The following SPTLC2 variants were observed in gnomAD, a reference collection of about 807,000 sequenced individuals.
The protein encoded by SPTLC2 is serine palmitoyltransferase 2.
SPTLC2 carries 21 observed loss-of-function variants against 62.0 expected under a neutral mutation model. The ratio of observed to expected loss-of-function variants is 0.34; its 90% confidence interval spans 0.24 to 0.49. SPTLC2 has a LOEUF of 0.49. Ranked by LOEUF, SPTLC2 falls within the 20% of genes least tolerant of loss-of-function variation. The pLI, the probability that SPTLC2 is intolerant of heterozygous loss-of-function variation, is 0.99. For synonymous variants in SPTLC2, 261 were observed against 261.8 expected (o/e 1.00, Z 0.03); for missense variants, 511 against 713.0 (o/e 0.72, Z 3.23).
chr14:77,576,658 G>A (rs772323987), intron 4 of SPTLC2, 109 bp downstream of exon 4: 74 of 1,457,680 alleles, frequency 5.1e-5, no homozygotes, highest in Non-Finnish European at 6.5e-5. Flanking sequence ...TTATCTAAAT[G>A]ACATGACAAA....
chr14:77,599,686 G>A (rs891225286), intron 1 of SPTLC2, among the ~76,000 whole-genome samples: 30 of 152,180 alleles, frequency 2.0e-4, no homozygotes, highest in Admixed American at 8.5e-4. Flanking sequence ...AAAGTTTGGT[G>A]TCAATATTTA....
At chr14:77,587,583 A>G (rs907101161) in intron 2 of SPTLC2, among the ~76,000 whole-genome samples, 13 of 152,028 alleles carry the variant, frequency 8.6e-5, no homozygotes, top group African/African-American at 3.1e-4. Context: ...CCTGGCCAAC[A>G]TGGCGAAACC....
Position 77,537,633 on chromosome 14 carries a change from C to T in SPTLC2, c.1303+14463G>A, listed in dbSNP as rs186514081. Among the ~76,000 whole-genome samples the T allele has an allele frequency of 2.6e-5, 4 of 152,264 alleles. No homozygotes were observed. The East Asian group carries it at 7.7e-4, about 29-fold the overall frequency. On this transcript the variant is annotated intron_variant, in intron 9 of 11. Coordinates refer to ENST00000216484, the MANE Select transcript of SPTLC2 (RefSeq NM_004863.4). ...AATCATCTAATACATTAATAAATAT[C>T]TAGTACACAAAAAGCATTCTGGAAC...
intron 1 of SPTLC2, 74 bp downstream of exon 1, chr14:77,616,374 G>T: frequency 1.0e-6 from 1 of 964,692 alleles, no homozygotes; most frequent in African/African-American, 1.7e-5. Flanking sequence ...ATGGCCCGGA[G>T]ACCTCGCCCC....
intron 9 of SPTLC2, chr14:77,547,544 T>TTTTTG (rs1011863614): frequency 2.6e-5 from 4 of 152,274 alleles, no homozygotes; most frequent in African/African-American, 4.8e-5. Context: ...TTGGAATGTT[T>TTTTTG]TTTTGTTTTG....
intron 9 of SPTLC2, among the ~76,000 whole-genome samples, chr14:77,531,885 T>C (rs1458390338): frequency 6.6e-6 from 1 of 152,192 alleles, no homozygotes; most frequent in African/African-American, 2.4e-5. Flanking sequence ...CTAAGATCTG[T>C]ACACTTCATT....
chr14:77,543,956 A>G (rs1446538316), intron 9 of SPTLC2, among the ~76,000 whole-genome samples: 2 of 152,176 alleles, frequency 1.3e-5, no homozygotes, highest in African/African-American at 2.4e-5. Flanking sequence ...AATTACCATC[A>G]ATCAGTAGAG....
At chr14:77,581,985 T>TA (rs1414102318) in intron 2 of SPTLC2, among the ~76,000 whole-genome samples, 1 of 152,022 alleles carries the variant, frequency 6.6e-6, no homozygotes, top group African/African-American at 2.4e-5. Context: ...TAAAAAAGGG[T>TA]AACAGTACTA....
intron 2 of SPTLC2, among the ~76,000 whole-genome samples, chr14:77,595,565 G>A (rs756001389): frequency 3.3e-5 from 5 of 152,118 alleles, no homozygotes; most frequent in African/African-American, 4.8e-5. Context: ...AGTACAAGAT[G>A]GTTGAGATGA....
At chr14:77,544,700 A>C (rs1184164244) in intron 9 of SPTLC2, among the ~76,000 whole-genome samples, 1 of 152,204 alleles carries the variant, frequency 6.6e-6, no homozygotes, top group East Asian at 1.9e-4. Context: ...CCTTTGACCA[A>C]ACTTGAGTCA....
chr14:77,581,405 C>CTTTTTTTTT (rs1159561282), intron 2 of SPTLC2, among the ~76,000 whole-genome samples: 12 of 94,008 alleles, frequency 1.3e-4, no homozygotes, highest in East Asian at 3.1e-4. Flanking sequence ...TACCATCTCT[C>CTTTTTTTTT]TTTTTTTTTT....
At chr14:77,532,733 G>A (rs563105389) in intron 9 of SPTLC2, among the ~76,000 whole-genome samples, 18 of 151,808 alleles carry the variant, frequency 1.2e-4, no homozygotes, top group African/African-American at 2.2e-4. Context: ...GCAGTGAGCC[G>A]AGATAGTGCC....
chr14:77,605,374 C>T (rs2079899862), intron 1 of SPTLC2, among the ~76,000 whole-genome samples: 1 of 152,182 alleles, frequency 6.6e-6, no homozygotes, highest in South Asian at 2.1e-4. Context: ...ATGAGACTTC[C>T]AGGTTAGCTT....
chr14:77,611,804 C>A (rs182631237), intron 1 of SPTLC2, among the ~76,000 whole-genome samples: 2 of 149,240 alleles, frequency 1.3e-5, no homozygotes, highest in African/African-American at 2.5e-5. Flanking sequence ...CCAGCCTGGG[C>A]GACAGAGTGA....
Position 77,585,283 on chromosome 14 carries a change from G to A in SPTLC2, c.328-6174C>T, listed in dbSNP as rs558024578. ...ATAGATGTTTAATAACTTATTAGAT[G>A]TATTTTACAGAGTCACTGAATAAAA... is the stretch of plus-strand genomic sequence containing the variant. On this transcript the variant is annotated intron_variant, in intron 2 of 11. Transcript: ENST00000216484. Among the ~76,000 whole-genome samples the A allele has an allele frequency of 3.6e-4, 55 of 152,258 alleles. 1 individual carries two copies. In the South Asian group the frequency reaches 5.4e-3, roughly 15 times the overall value.
chr14:77,616,096 C>T (rs176907), intron 1 of SPTLC2, among the ~76,000 whole-genome samples: 1 of 152,030 alleles, frequency 6.6e-6, no homozygotes, highest in African/African-American at 2.4e-5. Context: ...AGGGACCCTC[C>T]GGAGCCCTTG....
intron 9 of SPTLC2, among the ~76,000 whole-genome samples, chr14:77,534,933 CT>C (rs111539292): frequency 0.2 from 29,471 of 148,250 alleles, 3,667 homozygotes; most frequent in African/African-American, 0.36. Context: ...AGTGCTATTT[CT>C]TTTTTTTTTT....
chr14:77,545,115 A>C (rs751293472), intron 9 of SPTLC2, among the ~76,000 whole-genome samples: 4 of 151,988 alleles, frequency 2.6e-5, no homozygotes, highest in Non-Finnish European at 4.4e-5. Context: ...TTTTTTCTTT[A>C]ACACCTCACT....
intron 5 of SPTLC2, among the ~76,000 whole-genome samples, chr14:77,566,125 C>G (rs1012597880): frequency 6.6e-6 from 1 of 152,118 alleles, no homozygotes; most frequent in African/African-American, 2.4e-5. Flanking sequence ...ATTTTTCTGG[C>G]AAACCTGCAA....
Sources: allele counts gnomAD v4.1 joint callset (sites outside exome capture counted in the v4.1 genomes callset), GRCh38; gene constraint gnomAD v4.1.1; transcripts MANE v1.5; gene names NCBI Gene and HGNC (gene_info 2026-07-23, HGNC 2026-07-21).